STK3: variants seen among roughly 807,000 people sequenced by gnomAD.
The protein encoded by STK3 is serine/threonine kinase 3, also known as serine/threonine-protein kinase 3.
STK3 carries 41 observed loss-of-function variants against 58.0 expected under a neutral mutation model. The ratio of observed to expected loss-of-function variants is 0.71; its 90% CI spans 0.55 to 0.92. STK3 has a LOEUF of 0.92. STK3 is among the 40% of genes least tolerant of loss of function. The probability of loss-of-function intolerance (pLI) is 0.00; values close to 1 mark genes in which losing one functional copy is unlikely to be tolerated. For synonymous variants in STK3, 170 were observed against 191.0 expected (o/e 0.89, Z 0.91); for missense variants, 479 against 602.7 (o/e 0.79, Z 2.15).
chr8:98,557,696 T>C (rs1811707543), intron 8 of STK3, among the ~76,000 whole-genome samples: 1 of 152,250 alleles, frequency 6.6e-6, no homozygotes, highest in African/African-American at 2.4e-5. Context: ...ATTAATTGTC[T>C]TCTCACTGCT....
In STK3 at chr8:98,540,494, A is replaced by C. The variant is rs576080888; in HGVS notation, c.1141+7475T>G. 4.5e-4 allele frequency among the ~76,000 whole-genome samples: 69 copies of C among 152,170 alleles called. 2 individuals carry two copies. Among genetic ancestry groups the C allele is most frequent in the Admixed American group, 3.2e-3 (49 of 15,282 alleles). On this transcript the variant is annotated intron_variant, in intron 9 of 10. Coordinates refer to ENST00000419617, the MANE Select transcript of STK3 (RefSeq NM_006281.4). ...TCGTTCTATCCTATAACATATTTTT[A>C]TTTTGTTCCACTTCATGTTATTTGC...
chr8:98,903,135 G>T (rs1419882057), intron 1 of STK3, among the ~76,000 whole-genome samples: 2 of 152,134 alleles, frequency 1.3e-5, no homozygotes, highest in Non-Finnish European at 2.9e-5. Context: ...ATACCCTAAG[G>T]GGCCATGAAA....
intron 3 of STK3, chr8:98,432,912 C>T: frequency 6.2e-6 from 1 of 162,352 alleles, no homozygotes. Flanking sequence ...GGCAGTAATA[C>T]TGACACACTC....
intron 3 of STK3, among the ~76,000 whole-genome samples, chr8:98,766,040 T>G (rs952344777): frequency 6.6e-6 from 1 of 152,182 alleles, no homozygotes; most frequent in Non-Finnish European, 1.5e-5. Flanking sequence ...CCTTTCTACC[T>G]GTCATCCCCT....
rs146340127 is a variant in STK3 at position 98,694,233 on chromosome 8, T to C, written c.684+12234A>G. Among the ~76,000 whole-genome samples, 51 of 152,334 alleles carry C rather than the reference T, an allele frequency of 3.3e-4. No individual in the cohort carries two copies. In the East Asian group the frequency reaches 9.8e-3, roughly 29 times the overall value. On this transcript the variant is annotated intron_variant, in intron 6 of 10. Transcript: ENST00000419617. ...TCTTCAGGAAAGGATAGCATTATTT[T>C]TGAAAACATCATTCATCAAAAATGA...
At chr8:98,574,146 G>T (rs940747820) in intron 8 of STK3, among the ~76,000 whole-genome samples, 3 of 152,104 alleles carry the variant, frequency 2.0e-5, no homozygotes, top group African/African-American at 7.2e-5. Context: ...AACCAGAAAA[G>T]TAACAGGAAA....
chr8:98,457,194 T>C (rs527271534), intron 10 of STK3, among the ~76,000 whole-genome samples: 6 of 152,370 alleles, frequency 3.9e-5, no homozygotes, highest in Non-Finnish European at 8.8e-5. Context: ...CCATAAAACA[T>C]ACATTTATAT....
intron 7 of STK3, among the ~76,000 whole-genome samples, chr8:98,586,115 C>T (rs1016381971): frequency 4.6e-5 from 7 of 151,948 alleles, no homozygotes; most frequent in African/African-American, 1.7e-4. Context: ...TTGCCCTGGC[C>T]AGAACTTCCA....
rs144692953 is a variant in STK3 at position 98,833,777 on chromosome 8, A to C, written c.110+49870T>G. Among the ~76,000 whole-genome samples, 609 of 152,290 alleles carry C rather than the reference A, an allele frequency of 4.0e-3. 4 individuals carry two copies. The highest frequency in any genetic ancestry group is 7.1e-3 in the Non-Finnish European group (480 of 68,022). On this transcript the variant is annotated intron_variant, in intron 3 of 12. Transcript: ENST00000523601. ...AGGTTTCTTTGGAATCCCTTGGCCA[A>C]AAGCGGGTCCATTTAGTCAGTTGAG... is the stretch of plus-strand genomic sequence containing the variant.
chr8:98,419,519 T>A (rs1291315856), intron 3 of STK3, among the ~76,000 whole-genome samples: 1 of 152,092 alleles, frequency 6.6e-6, no homozygotes, highest in Non-Finnish European at 1.5e-5. Context: ...GAAAACAAAG[T>A]CCTATTGAAG....
At chr8:98,857,237 T>TA (rs1564065052) in intron 3 of STK3, among the ~76,000 whole-genome samples, 1 of 152,222 alleles carries the variant, frequency 6.6e-6, no homozygotes, top group Non-Finnish European at 1.5e-5. Context: ...ATAAAGCTGT[T>TA]AAAAACAAAC....
chr8:98,587,751 C>G (rs1476312700), intron 7 of STK3, among the ~76,000 whole-genome samples: 13 of 152,078 alleles, frequency 8.5e-5, no homozygotes, highest in African/African-American at 2.7e-4. Flanking sequence ...TTGTAGGTCT[C>G]TAAGGACTTG....
In STK3 at chr8:98,706,837, T is replaced by C. The variant is rs183016098; in HGVS notation, c.517-203A>G. On this transcript the variant is annotated intron_variant, in intron 5 of 10. Coordinates refer to ENST00000419617, the MANE Select transcript of STK3 (RefSeq NM_006281.4). ...TAACCAAGAGTCCACAGGTAACTTA[T>C]CCACACTACCATCATTAAACACAGT... 2.3e-3 allele frequency among the ~76,000 whole-genome samples: 352 copies of C among 152,312 alleles called. 7 individuals are homozygous for C. The highest frequency in any genetic ancestry group is 1.9e-3 in the Non-Finnish European group (131 of 68,028).
chr8:98,570,744 C>G (rs762690303), intron 8 of STK3, among the ~76,000 whole-genome samples: 1 of 152,094 alleles, frequency 6.6e-6, no homozygotes, highest in Non-Finnish European at 1.5e-5. Context: ...AAAAGCTAAA[C>G]TTTATTGAGC....
the STK3 span, among the ~76,000 whole-genome samples, chr8:98,344,605 G>A: frequency 2.7e-5 from 4 of 149,896 alleles, no homozygotes; most frequent in South Asian, 2.1e-4. Flanking sequence ...GAAAATATGG[G>A]ACCCTCGGCC....
intron 1 of STK3, among the ~76,000 whole-genome samples, chr8:98,924,001 G>C (rs895686042): frequency 6.6e-6 from 1 of 152,100 alleles, no homozygotes; most frequent in African/African-American, 2.4e-5. Context: ...GGAAAGAAAA[G>C]AAAAACCATA....
At chr8:98,784,023 T>A (rs902984328) in intron 1 of STK3, among the ~76,000 whole-genome samples, 1 of 152,206 alleles carries the variant, frequency 6.6e-6, no homozygotes, top group Non-Finnish European at 1.5e-5. Context: ...CCTCCCTCTG[T>A]GACTCACTTT....
intron 1 of STK3, among the ~76,000 whole-genome samples, chr8:98,795,455 G>A (rs1483940158): frequency 6.6e-6 from 1 of 151,792 alleles, no homozygotes; most frequent in Non-Finnish European, 1.5e-5. Context: ...AGCAAAAAAT[G>A]GAAGCATTCC....
chr8:98,616,331 C>T (rs1204504661), intron 6 of STK3, among the ~76,000 whole-genome samples: 1 of 141,518 alleles, frequency 7.1e-6, no homozygotes, highest in Non-Finnish European at 1.5e-5. Flanking sequence ...TGGAAAGGAA[C>T]AACCAGTACC....
Sources: allele counts gnomAD v4.1 joint callset (sites outside exome capture counted in the v4.1 genomes callset), GRCh38; gene constraint gnomAD v4.1.1; transcripts MANE v1.5; gene names NCBI Gene and HGNC (gene_info 2026-07-23, HGNC 2026-07-21).